The following ACBD3 variants were observed in gnomAD, a reference collection of about 807,000 sequenced individuals.
The protein encoded by ACBD3 is Golgi resident protein GCP60.
ACBD3 carries 30 observed loss-of-function variants against 66.9 expected under a neutral mutation model. The observed-to-expected ratio is 0.45, with a 90% CI of 0.34 to 0.61. ACBD3 has a LOEUF of 0.61. Among genes scored for constraint, ACBD3 ranks in the 20% least tolerant of loss-of-function variants. The pLI, the probability that ACBD3 is intolerant of heterozygous loss-of-function variation, is 0.02. For synonymous variants in ACBD3, 278 were observed against 259.8 expected (o/e 1.07, Z -0.68); for missense variants, 544 against 664.5 (o/e 0.82, Z 1.99).
chr1:226,159,081 GCTAA>G (rs1238224924), intron 5 of ACBD3, 99 bp downstream of exon 5: 20 of 1,333,994 alleles, frequency 1.5e-5, no homozygotes, highest in African/African-American at 2.9e-5. Context: ...CACCTTAGAG[GCTAA>G]CTAATGCAAA....
At chr1:226,154,571 T>C in intron 6 of ACBD3, 76 bp downstream of exon 6, 1 of 1,482,014 alleles carries the variant, frequency 6.7e-7, no homozygotes. Flanking sequence ...AAGCTAATTA[T>C]AACCTGACTT....
Position 226,149,529 on chromosome 1 carries a change from C to CTTTTTTTTTTTTTTTT in ACBD3, c.1376-2724_1376-2709dup. ...GGTGTCAGCCACTGCGCCCAGCCATCTTTTTTTTTTTTTTTTTTTTTTTTT... is the reference window on the plus strand; with the variant it reads ...GGTGTCAGCCACTGCGCCCAGCCATCTTTTTTTTTTTTTTTTTTTTTTTTTTTTTTTTTTTTTTTTT... On this transcript the variant is annotated intron_variant, in intron 7 of 7. Coordinates refer to ENST00000366812, the MANE Select transcript of ACBD3 (RefSeq NM_022735.4). Among the ~76,000 whole-genome samples the CTTTTTTTTTTTTTTTT allele has an allele frequency of 1.1e-3, 32 of 29,612 alleles. 8 individuals are homozygous for CTTTTTTTTTTTTTTTT. The highest frequency in any genetic ancestry group is 1.7e-3 in the African/African-American group (11 of 6,338). The allele number at this position is 29,612 out of a possible 152,430, so 19.4% of individuals were successfully genotyped here. A position where few individuals can be genotyped will look rare whatever the true frequency, so the allele number is the denominator to read the frequency against.
Position 226,186,621 on chromosome 1 carries a change from G to C in ACBD3, c.55C>G (p.Leu19Val), listed in dbSNP as rs981023847. 3.3e-6 allele frequency: 5 copies of C among 1,504,030 alleles called. No individual in the cohort carries two copies. Among genetic ancestry groups the C allele is most frequent in the Admixed American group, 2.1e-5 (1 of 48,116 alleles). The allele number at this position is 1,504,030 out of a possible 1,614,324, so 93.2% of individuals were successfully genotyped here. ...GGCCGCTCCTCCGGGTCCGGGCTGA[G>C]CGTGAGGCCGTCGACGGACACCTCG... Reference protein sequence around the residue: ...RLEVSVDGLTLSPDPEERPGA... With the variant: ...RLEVSVDGLTVSPDPEERPGA... Residue 19 changes from leucine (L) to valine (V), a missense_variant, in exon 1 of 8, where the codon CTC (leucine) becomes GTC (valine). Transcript: ENST00000366812.
At chr1:226,159,389 T>C (rs1292957721) in intron 4 of ACBD3, 31 bp from the exon 5 acceptor site, 21 of 1,597,448 alleles carry the variant, frequency 1.3e-5, no homozygotes, top group Non-Finnish European at 1.7e-5. Context: ...TATACTAGTC[T>C]GGCTACAGGA....
chr1:226,148,317 G>A (rs1210248571), intron 7 of ACBD3, among the ~76,000 whole-genome samples: 2 of 152,154 alleles, frequency 1.3e-5, no homozygotes, highest in Non-Finnish European at 2.9e-5. Flanking sequence ...GGTACTCTTT[G>A]TGCTATCTTT....
In ACBD3 at chr1:226,159,255, G is replaced by A. The variant is rs1330875038; in HGVS notation, c.832C>T (p.Arg278Cys). The A allele has an allele frequency of 1.1e-5, 17 of 1,614,162 alleles. No individual in the cohort carries two copies. The highest frequency in any genetic ancestry group is 2.2e-5 in the East Asian group (1 of 44,890). ...TGATAGTGTTGCTCCTGCAACTGGC[G>A]GATGAGAATTTGCTGCTGTTCGTAG... is the stretch of plus-strand genomic sequence containing the variant. ...GNYEQQQILI[R>C]QLQEQHYQQY... Residue 278 changes from arginine (R) to cysteine (C), a missense_variant, in exon 5 of 8, where the codon CGC (arginine) becomes TGC (cysteine). By Grantham distance (180) the Arg-to-Cys change is radical (BLOSUM62 -3). This residue lies in a region of ACBD3 where 383 missense variants were observed against 462.4 expected (regional missense o/e 0.83). Transcript: ENST00000366812.
intron 1 of ACBD3, among the ~76,000 whole-genome samples, chr1:226,177,398 C>A (rs1386787897): frequency 6.7e-6 from 1 of 150,204 alleles, no homozygotes; most frequent in Admixed American, 6.7e-5. Context: ...GGTTTCACCG[C>A]ATTAGCCAGG....
At chr1:226,177,077 A>T (rs1465184948) in intron 1 of ACBD3, among the ~76,000 whole-genome samples, 1 of 152,092 alleles carries the variant, frequency 6.6e-6, no homozygotes, top group Non-Finnish European at 1.5e-5. Flanking sequence ...TATTCCTGAT[A>T]TGAGGAAAGT....
chr1:226,175,427 T>G (rs1656009720), intron 1 of ACBD3, among the ~76,000 whole-genome samples: 1 of 152,196 alleles, frequency 6.6e-6, no homozygotes, highest in South Asian at 2.1e-4. Flanking sequence ...TAACTAAGTC[T>G]TACCACAAAC....
At chr1:226,174,951 C>G (rs1359287988) in intron 1 of ACBD3, among the ~76,000 whole-genome samples, 1 of 151,218 alleles carries the variant, frequency 6.6e-6, no homozygotes, top group Non-Finnish European at 1.5e-5. Context: ...AAAAAATAGC[C>G]CGGCATGGTG....
intron 1 of ACBD3, among the ~76,000 whole-genome samples, chr1:226,180,717 CA>C (rs1313182993): frequency 2.6e-5 from 4 of 152,086 alleles, no homozygotes; most frequent in Non-Finnish European, 4.4e-5. Context: ...AACATATACA[CA>C]CTGGGCACAG....
In ACBD3 at chr1:226,161,634, T is replaced by C. The variant is rs1659777366; in HGVS notation, c.625A>G (p.Lys209Glu). 1 of 1,613,430 alleles carries C rather than the reference T, an allele frequency of 6.2e-7. No homozygotes were observed. Among genetic ancestry groups the C allele is most frequent in the Admixed American group, 1.7e-5 (1 of 59,890 alleles). Reference sequence around the variant, plus strand: ...TCTCTCCTACGTTTCTCTTCCTCCTTTTGCAGACGTTCTCTTTCTTCCTCT... The same window carrying C: ...TCTCTCCTACGTTTCTCTTCCTCCTCTTGCAGACGTTCTCTTTCTTCCTCT... ...REEEERERLQ[K>E]EEEKRRREEE... Residue 209 changes from lysine (K) to glutamate (E), a missense_variant, in exon 4 of 8, where the codon AAG (lysine) becomes GAG (glutamate). By Grantham distance (56) the Lys-to-Glu change is moderately conservative. Around this residue, in one of 3 missense-constraint regions of ACBD3, gnomAD observed 383 missense variants for 462.4 expected, o/e 0.83. Coordinates refer to ENST00000366812, the MANE Select transcript of ACBD3 (RefSeq NM_022735.4).
chr1:226,186,710 G>T lies in ACBD3; in HGVS notation c.-35C>A, dbSNP rs537694201. The T allele has an allele frequency of 5.5e-6, 8 of 1,445,298 alleles. No homozygotes were observed. Among genetic ancestry groups the T allele is most frequent in the Non-Finnish European group, 7.2e-6 (8 of 1,103,644 alleles). The allele number at this position is 1,445,298 out of a possible 1,614,324, so 89.5% of individuals were successfully genotyped here. On this transcript the variant is annotated 5_prime_UTR_variant, in exon 1 of 8. Coordinates refer to ENST00000366812, the MANE Select transcript of ACBD3 (RefSeq NM_022735.4). The stretch of plus-strand genomic sequence containing the variant: ...CTGCACCTCCTCAGCGGGGACAGAC[G>T]GCAGCCACGTATCGACTTCCTGCTG...
intron 1 of ACBD3, among the ~76,000 whole-genome samples, chr1:226,174,993 G>A (rs1170032720): frequency 6.6e-6 from 1 of 150,984 alleles, no homozygotes; most frequent in Non-Finnish European, 1.5e-5. Context: ...TACTCACGAG[G>A]CTGAGACAGG....
At chr1:226,185,402 T>TC (rs1656274048) in intron 1 of ACBD3, among the ~76,000 whole-genome samples, 1 of 152,230 alleles carries the variant, frequency 6.6e-6, no homozygotes, top group Non-Finnish European at 1.5e-5. Context: ...CAAAAGGTAC[T>TC]CCCTCTGGGG....
intron 3 of ACBD3, among the ~76,000 whole-genome samples, chr1:226,163,934 A>C (rs1049072823): frequency 1.3e-5 from 2 of 152,100 alleles, no homozygotes; most frequent in Non-Finnish European, 2.9e-5. Context: ...CAGCCTGGCC[A>C]ACATAGTAAA....
intron 3 of ACBD3, among the ~76,000 whole-genome samples, chr1:226,161,904 C>A (rs1242721806): frequency 6.6e-6 from 1 of 152,180 alleles, no homozygotes; most frequent in Non-Finnish European, 1.5e-5. Flanking sequence ...TGCACAGCAA[C>A]AGAAATGTGT....
At chr1:226,178,778 A>G (rs1656109627) in intron 1 of ACBD3, among the ~76,000 whole-genome samples, 1 of 152,140 alleles carries the variant, frequency 6.6e-6, no homozygotes, top group Non-Finnish European at 1.5e-5. Flanking sequence ...ATTGCAAACT[A>G]AATCTCAAAT....
intron 1 of ACBD3, among the ~76,000 whole-genome samples, chr1:226,173,644 T>C (rs1655918541): frequency 6.6e-6 from 1 of 152,072 alleles, no homozygotes; most frequent in South Asian, 2.1e-4. Context: ...AGACTATTAG[T>C]ATTACACAAA....
Sources: allele counts gnomAD v4.1 joint callset (sites outside exome capture counted in the v4.1 genomes callset), GRCh38; gene constraint gnomAD v4.1.1; regional missense constraint gnomAD v4.1.1; transcripts MANE v1.5; gene names NCBI Gene and HGNC (gene_info 2026-07-23, HGNC 2026-07-21).